The following BLM variants were observed in gnomAD, a reference collection of about 807,000 sequenced individuals.
BLM encodes the protein BLM RecQ like helicase.
BLM carries 95 observed loss-of-function variants against 135.3 expected under a neutral mutation model. The observed-to-expected ratio is 0.70, with a 90% CI of 0.59 to 0.83. BLM has a LOEUF of 0.83. Ranked by LOEUF, BLM falls within the 40% of genes least tolerant of loss-of-function variation. The pLI, the probability that BLM is intolerant of heterozygous loss-of-function variation, is 0.00. For missense variants in BLM, 1,518 were observed against 1,663.9 expected, an observed-to-expected ratio of 0.91 and a Z score of 1.53; for synonymous variants, 520 against 589.2, an observed-to-expected ratio of 0.88 and a Z score of 1.70.
intron 12 of BLM, 35 bp downstream of exon 12, chr15:90,769,621 G>A: frequency 6.2e-7 from 1 of 1,606,210 alleles, no homozygotes; most frequent in South Asian, 1.1e-5. Context: ...TGAGAACCCT[G>A]GGGCAGTGAC....
chr15:90,735,397 A>G (rs1443156785), intron 1 of BLM, among the ~76,000 whole-genome samples: 1 of 151,592 alleles, frequency 6.6e-6, no homozygotes, highest in African/African-American at 2.4e-5. Flanking sequence ...ACATATAAGA[A>G]TAGGAAAACA....
Position 90,760,241 on chromosome 15 carries a change from G to A in BLM, c.1182G>A (p.Leu394=). The change falls in exon 6 of 22, where the codon TTG becomes TTA. Residue 394 remains leucine (L), a synonymous_variant. Transcript: ENST00000355112. ...DTIPDDKLKL[L]DCGNELLQQR... is the part of the protein sequence containing the mutation. ...TTCCTGATGATAAACTGAAACTTTT[G>A]GATTGTGGGAACGAACTGCTTCAGC... 6.2e-7 allele frequency: 1 copy of A among 1,613,974 alleles called. No individual in the cohort carries two copies. The highest frequency in any genetic ancestry group is 8.5e-7 in the Non-Finnish European group (1 of 1,179,990).
chr15:90,798,532 G>T (rs1456089342), intron 17 of BLM, among the ~76,000 whole-genome samples, 195 bp downstream of exon 17: 1 of 152,162 alleles, frequency 6.6e-6, no homozygotes, highest in African/African-American at 2.4e-5. Context: ...AGTTGAGATG[G>T]TTTCACATAC....
At position 90,798,188 on chromosome 15, in the gene BLM, A is replaced by G. The variant is rs1227297747; in HGVS notation, c.3211-2A>G. The G allele has an allele frequency of 1.3e-6, 2 of 1,599,366 alleles. No homozygotes were observed. The highest frequency in any genetic ancestry group is 1.7e-6 in the Non-Finnish European group (2 of 1,168,460). On this transcript the variant is annotated splice_acceptor_variant, in intron 16 of 21. Transcript: ENST00000355112. LOFTEE classifies it high-confidence loss of function. ...CAGAAAGTATTCTCTTTTTATTCATAGGATTATAAAACAAGAGATGTGACT... is the reference window on the plus strand; with the variant it reads ...CAGAAAGTATTCTCTTTTTATTCATGGGATTATAAAACAAGAGATGTGACT...
chr15:90,745,921 T>A (rs1264110150), intron 1 of BLM, among the ~76,000 whole-genome samples: 7 of 151,892 alleles, frequency 4.6e-5, no homozygotes. Flanking sequence ...ACCAAACATT[T>A]AAAAATTAGC....
intron 1 of BLM, among the ~76,000 whole-genome samples, chr15:90,734,671 G>A (rs536453490): frequency 2.2e-4 from 30 of 135,314 alleles, no homozygotes; most frequent in South Asian, 4.6e-4. Flanking sequence ...ACGCGCGCAC[G>A]CACGCACACA....
rs368967327 is a variant in BLM, at chr15:90,760,788, C to A, written c.1415C>A (p.Thr472Asn). 7 of 1,613,780 alleles carry A rather than the reference C, an allele frequency of 4.3e-6. No individual in the cohort carries two copies. In the African/African-American group the frequency reaches 8.0e-5, roughly 18 times the overall value. ...TCTCCTGGGGACTGTTTACTGACTA[C>A]CACCCTAGGAAAGACAGGATTCTCT... ...SVSPGDCLLT[T>N]TLGKTGFSAT... Residue 472 changes from threonine to asparagine, a missense_variant, in exon 7 of 22, where the codon ACC (threonine) becomes AAC (asparagine). Thr to Asn is a moderately conservative substitution (Grantham distance 65, BLOSUM62 0). Around this residue, in one of 5 missense-constraint regions of BLM, gnomAD observed 724 missense variants for 756.9 expected, o/e 0.96. Coordinates refer to ENST00000355112, the MANE Select transcript of BLM (RefSeq NM_000057.4).
intron 7 of BLM, chr15:90,762,534 G>GGT: frequency 1.1e-5 from 2 of 188,036 alleles, no homozygotes; most frequent in Non-Finnish European, 2.2e-5. Context: ...TGCTGCACAC[G>GGT]GGTCATGTTT....
At chr15:90,774,187 G>T (rs1394768229) in intron 12 of BLM, among the ~76,000 whole-genome samples, 2 of 147,614 alleles carry the variant, frequency 1.4e-5, no homozygotes, top group African/African-American at 5.0e-5. Flanking sequence ...CGATTCTCCT[G>T]CCTCAGCCTC....
chr15:90,778,865 T>G (rs1233072685), intron 12 of BLM, among the ~76,000 whole-genome samples: 1 of 151,860 alleles, frequency 6.6e-6, no homozygotes, highest in Non-Finnish European at 1.5e-5. Flanking sequence ...TTGGGTCATA[T>G]AGAAACTCTA....
intron 14 of BLM, among the ~76,000 whole-genome samples, 179 bp downstream of exon 14, chr15:90,785,260 A>T (rs935384329): frequency 6.6e-6 from 1 of 152,248 alleles, no homozygotes; most frequent in Non-Finnish European, 1.5e-5. Flanking sequence ...TTCATAAAAA[A>T]AATCTGCTTG....
At chr15:90,718,517 A>G (rs1043538039) in intron 1 of BLM, among the ~76,000 whole-genome samples, 13 of 152,348 alleles carry the variant, frequency 8.5e-5, no homozygotes, top group South Asian at 6.2e-4. Flanking sequence ...ACTGCATGAG[A>G]GATCAGAAGA....
chr15:90,785,695 C>A (rs1397654871), intron 14 of BLM, among the ~76,000 whole-genome samples: 1 of 152,026 alleles, frequency 6.6e-6, no homozygotes, highest in African/African-American at 2.4e-5. Flanking sequence ...AGATGTGCGC[C>A]ACCATGGCCA....
At position 90,808,802 on chromosome 15, in the gene BLM, G is replaced by C. The variant is rs28385149; in HGVS notation, c.3752-335G>C. On this transcript the variant is annotated intron_variant, in intron 19 of 21. Coordinates refer to ENST00000355112, the MANE Select transcript of BLM (RefSeq NM_000057.4). ...AGAGAGGGCACACCAGTCTCAGCTA[G>C]ATGAGTACTGGCCATGGGAACAGTG... The C allele has an allele frequency of 3.4e-5, 14 of 416,192 alleles. No individual in the cohort carries two copies. In the East Asian group the frequency reaches 3.6e-4, roughly 11 times the overall value. The allele number at this position is 416,192 out of a possible 1,614,324, so 25.8% of individuals were successfully genotyped here.
intron 14 of BLM, among the ~76,000 whole-genome samples, chr15:90,787,469 T>C (rs1241351633): frequency 6.6e-6 from 1 of 152,156 alleles, no homozygotes; most frequent in African/African-American, 2.4e-5. Context: ...AAGTTTCAGC[T>C]CAGGAAAAAG....
intron 1 of BLM, among the ~76,000 whole-genome samples, chr15:90,734,085 T>C (rs989705682): frequency 6.6e-6 from 1 of 152,104 alleles, no homozygotes; most frequent in Non-Finnish European, 1.5e-5. Context: ...CAGCACTCTA[T>C]TACAAAACTA....
intron 1 of BLM, among the ~76,000 whole-genome samples, chr15:90,729,226 C>T (rs1339693163): frequency 2.0e-5 from 3 of 152,124 alleles, no homozygotes; most frequent in Non-Finnish European, 2.9e-5. Flanking sequence ...AGGAGAATTG[C>T]TTGAGCCCAG....
intron 1 of BLM, among the ~76,000 whole-genome samples, chr15:90,732,590 T>TAA (rs77350149): frequency 6.6e-5 from 9 of 136,770 alleles, no homozygotes; most frequent in Non-Finnish European, 1.3e-4. Context: ...ATCAGATTCT[T>TAA]AAAAAAAAAA....
intron 1 of BLM, among the ~76,000 whole-genome samples, chr15:90,732,304 T>TG (rs1215152861): frequency 6.6e-6 from 1 of 152,134 alleles, no homozygotes; most frequent in African/African-American, 2.4e-5. Flanking sequence ...ACAGAAAAGT[T>TG]GAAGAATTAG....
Sources: allele counts gnomAD v4.1 joint callset (sites outside exome capture counted in the v4.1 genomes callset), GRCh38; gene constraint gnomAD v4.1.1; regional missense constraint gnomAD v4.1.1; transcripts MANE v1.5; gene names NCBI Gene and HGNC (gene_info 2026-07-23, HGNC 2026-07-21).